CFAP299: variants seen among roughly 807,000 people sequenced by gnomAD.
CFAP299 encodes cilia and flagella associated protein 299, also known as cilia- and flagella-associated protein 299.
In CFAP299, 21 loss-of-function variants were observed where a neutral mutation model predicts 27.0. The observed-to-expected ratio is 0.78, with a 90% CI of 0.55 to 1.12. The LOEUF is 1.12. Ranked by LOEUF, CFAP299 falls within the 50% of genes most tolerant of loss-of-function variation. The probability of loss-of-function intolerance (pLI) is 0.00; values close to 1 mark genes in which losing one functional copy is unlikely to be tolerated. For missense variants in CFAP299, 310 were observed against 276.6 expected (o/e 1.12, Z -0.86); for synonymous variants, 104 against 98.1 (o/e 1.06, Z -0.36).
At chr4:80,770,258 A>G (rs1349796397) in intron 3 of CFAP299, among the ~76,000 whole-genome samples, 1 of 152,034 alleles carries the variant, frequency 6.6e-6, no homozygotes, top group Non-Finnish European at 1.5e-5. Flanking sequence ...CCTCTTCTTC[A>G]TTTTTTGTTC....
intron 3 of CFAP299, among the ~76,000 whole-genome samples, chr4:80,718,337 T>A (rs1008590713): frequency 6.6e-6 from 1 of 152,090 alleles, no homozygotes; most frequent in African/African-American, 2.4e-5. Context: ...CGAATTATAT[T>A]CAATATATTT....
intron 4 of CFAP299, among the ~76,000 whole-genome samples, chr4:80,907,329 G>A (rs572680111): frequency 1.3e-5 from 2 of 152,086 alleles, no homozygotes; most frequent in African/African-American, 4.8e-5. Context: ...ACATTTTCCT[G>A]TCATCTTCTG....
At chr4:80,743,643 A>G (rs1724414923) in intron 3 of CFAP299, among the ~76,000 whole-genome samples, 1 of 152,170 alleles carries the variant, frequency 6.6e-6, no homozygotes, top group African/African-American at 2.4e-5. Flanking sequence ...GAAATCTATA[A>G]AATATGACTT....
intron 3 of CFAP299, among the ~76,000 whole-genome samples, chr4:80,601,393 G>A (rs1336904687): frequency 6.6e-6 from 1 of 152,084 alleles, no homozygotes; most frequent in African/African-American, 2.4e-5. Context: ...ATTTTGAGAT[G>A]TAAGTCATAT....
At chr4:80,902,580 A>AAC (rs1553904752) in intron 4 of CFAP299, among the ~76,000 whole-genome samples, 14 of 82,428 alleles carry the variant, frequency 1.7e-4, no homozygotes, top group African/African-American at 4.2e-4. Context: ...ATATATATGT[A>AAC]ATATATACAC....
intron 2 of CFAP299, among the ~76,000 whole-genome samples, chr4:80,408,399 A>G (rs1560553320): frequency 6.6e-6 from 1 of 152,104 alleles, no homozygotes; most frequent in Non-Finnish European, 1.5e-5. Context: ...TCATTTGGTC[A>G]TTTCTTGGAT....
At chr4:80,588,749 A>C (rs1170558163) in intron 3 of CFAP299, among the ~76,000 whole-genome samples, 1 of 144,036 alleles carries the variant, frequency 6.9e-6, no homozygotes, top group Non-Finnish European at 1.5e-5. Flanking sequence ...TTAAAAAATG[A>C]TAATAATAAT....
chr4:80,801,015 A>G (rs1173664898), intron 3 of CFAP299, among the ~76,000 whole-genome samples: 3 of 151,506 alleles, frequency 2.0e-5, no homozygotes, highest in Non-Finnish European at 4.4e-5. Context: ...GGCTGCCCTG[A>G]CAGCTGATTA....
At chr4:80,818,229 C>A (rs1729523564) in intron 3 of CFAP299, among the ~76,000 whole-genome samples, 1 of 152,162 alleles carries the variant, frequency 6.6e-6, no homozygotes, top group South Asian at 2.1e-4. Flanking sequence ...ATAGATTCCA[C>A]AGGTTTTTAT....
intron 3 of CFAP299, among the ~76,000 whole-genome samples, chr4:80,807,396 G>A (rs1728918101): frequency 1.3e-5 from 2 of 152,026 alleles, no homozygotes; most frequent in African/African-American, 4.8e-5. Flanking sequence ...GGCAGTGAAG[G>A]AATTAACAGA....
intron 4 of CFAP299, among the ~76,000 whole-genome samples, chr4:80,877,883 C>A (rs1733498632): frequency 6.6e-6 from 1 of 152,018 alleles, no homozygotes; most frequent in Non-Finnish European, 1.5e-5. Flanking sequence ...TGCTTCAATT[C>A]TCTTTTGGTA....
intron 4 of CFAP299, among the ~76,000 whole-genome samples, chr4:80,875,047 C>T (rs1733299855): frequency 6.6e-6 from 1 of 152,082 alleles, no homozygotes; most frequent in Non-Finnish European, 1.5e-5. Context: ...AATGCGACTA[C>T]TAGAAAATTC....
chr4:80,416,333 A>G (rs1264010218), intron 2 of CFAP299, among the ~76,000 whole-genome samples: 3 of 152,192 alleles, frequency 2.0e-5, no homozygotes, highest in Non-Finnish European at 4.4e-5. Flanking sequence ...AACATATTTT[A>G]TATTATTTTT....
chr4:80,470,753 T>A (rs890123466), intron 2 of CFAP299, among the ~76,000 whole-genome samples: 1 of 152,190 alleles, frequency 6.6e-6, no homozygotes, highest in African/African-American at 2.4e-5. Flanking sequence ...CCAAATGCCA[T>A]CTTTCATCCA....
intron 2 of CFAP299, among the ~76,000 whole-genome samples, chr4:80,490,241 C>T (rs1731046037): frequency 6.6e-6 from 1 of 152,140 alleles, no homozygotes; most frequent in African/African-American, 2.4e-5. Flanking sequence ...AGCTTGGCCT[C>T]TCTTCTCCAT....
intron 2 of CFAP299, among the ~76,000 whole-genome samples, chr4:80,579,519 A>T (rs893999034): frequency 4.6e-5 from 7 of 152,150 alleles, no homozygotes; most frequent in African/African-American, 7.2e-5. Flanking sequence ...TGTCCAGCCC[A>T]GATATCTGCT....
chr4:80,758,599 C>T (rs1725383484), intron 3 of CFAP299, among the ~76,000 whole-genome samples: 1 of 152,134 alleles, frequency 6.6e-6, no homozygotes, highest in Non-Finnish European at 1.5e-5. Flanking sequence ...TCTCTGTCTC[C>T]TGTTTCTATC....
intron 3 of CFAP299, among the ~76,000 whole-genome samples, chr4:80,651,704 T>TTG (rs34460418): frequency 0.64 from 89,324 of 139,464 alleles, 29,917 homozygotes; most frequent in Non-Finnish European, 0.75. Context: ...AGGTATGCAC[T>TTG]TGTGTGTGTG....
chr4:80,923,463 C>G (rs993211932), intron 4 of CFAP299, among the ~76,000 whole-genome samples: 1 of 151,970 alleles, frequency 6.6e-6, no homozygotes, highest in Non-Finnish European at 1.5e-5. Flanking sequence ...GATGTTACTA[C>G]AAGGAAAAGT....
Sources: allele counts gnomAD v4.1 joint callset (sites outside exome capture counted in the v4.1 genomes callset), GRCh38; gene constraint gnomAD v4.1.1; transcripts MANE v1.5; gene names NCBI Gene and HGNC (gene_info 2026-07-23, HGNC 2026-07-21).